The following CDKL5 variants were observed in gnomAD, a reference collection of about 807,000 sequenced individuals.
CDKL5 encodes the protein cyclin-dependent kinase-like 5.
A neutral mutation model predicts 61.7 loss-of-function variants in CDKL5; 8 were observed. That is an observed-to-expected ratio of 0.13 (90% CI 0.08 to 0.23). The LOEUF is 0.23. Ranked by LOEUF, CDKL5 falls within the 10% of genes least tolerant of loss-of-function variation. CDKL5 has a pLI of 1.00. For synonymous variants in CDKL5, 275 were observed against 272.3 expected (o/e 1.01, Z -0.10); for missense variants, 440 against 734.5 (o/e 0.60, Z 4.63).
At chrX:18,648,011 C>T (rs372217745) in intron 20 of CDKL5, among the ~76,000 whole-genome samples, 32 of 111,520 alleles carry the variant, frequency 2.9e-4, no homozygotes, top group Admixed American at 1.2e-3. Flanking sequence ...TTGTCTCCCC[C>T]TTCCTCTCGT....
At chrX:18,582,549 T>A (rs1925517099) in intron 7 of CDKL5, among the ~76,000 whole-genome samples, 3 of 111,501 alleles carry the variant, frequency 2.7e-5, no homozygotes, top group African/African-American at 6.5e-5. Context: ...TCAGAAAAAA[T>A]TTTAGATTGT....
intron 3 of CDKL5, among the ~76,000 whole-genome samples, chrX:18,560,666 A>G (rs1197666781): frequency 9.0e-6 from 1 of 111,343 alleles, no homozygotes; most frequent in African/African-American, 3.3e-5. Context: ...AGAAGTTGTA[A>G]GGTTTGTGGT....
chrX:18,565,289 T>C (rs1924931179), intron 4 of CDKL5, among the ~76,000 whole-genome samples: 1 of 111,933 alleles, frequency 8.9e-6, no homozygotes, highest in African/African-American at 3.2e-5. Context: ...TAGAAATATA[T>C]TTCATATCCT....
rs1926284804 is a variant in CDKL5 at position 18,604,441 on chromosome X, C to G, written c.1517C>G (p.Ala506Gly). 8.3e-7 allele frequency: 1 copy of G among 1,209,681 alleles called. No individual in the cohort carries two copies. Among genetic ancestry groups the G allele is most frequent in the East Asian group, 3.0e-5 (1 of 33,769 alleles). ...GTGAGCAACCTTTCTGAAGCCAGGG[C>G]CCAAATTGCGGAGCCCAGTACCAGT... The part of the protein sequence containing the change: ...KSVSNLSEAR[A>G]QIAEPSTSRY... Residue 506 changes from alanine to glycine, a missense_variant, in exon 12 of 18, where the codon GCC becomes GGC. By Grantham distance (60) the Ala-to-Gly change is moderately conservative. Transcript: ENST00000623535.
At chrX:18,499,283 T>C (rs775939700) in intron 1 of CDKL5, among the ~76,000 whole-genome samples, 11 of 111,134 alleles carry the variant, frequency 9.9e-5, no homozygotes, top group Non-Finnish European at 1.9e-4. Flanking sequence ...ATGCTCTCTA[T>C]CTAGCATTCT....
intron 4 of CDKL5, among the ~76,000 whole-genome samples, chrX:18,570,807 TTC>T (rs1925112239): frequency 8.9e-6 from 1 of 112,368 alleles, no homozygotes; most frequent in Non-Finnish European, 1.9e-5. Flanking sequence ...TTAAGAATTG[TTC>T]TCTTTAGCAA....
At chrX:18,601,928 C>T (rs1926192426) in intron 11 of CDKL5, among the ~76,000 whole-genome samples, 1 of 111,403 alleles carries the variant, frequency 9.0e-6, no homozygotes, top group Admixed American at 9.6e-5. Flanking sequence ...ATTTCTAGGC[C>T]TGAAGGGGAA....
rs183877156 is a variant in CDKL5, at chrX:18,522,831, A to C, written c.99+11977A>C. On this transcript the variant is annotated intron_variant, in intron 3 of 17. Coordinates refer to ENST00000623535, the MANE Select transcript of CDKL5 (RefSeq NM_001323289.2). Reference sequence around the variant, plus strand: ...TTTTTTTGGAGACAGAGGCTCTGTCACCCAGGCTGGCTGTAGTGCAGTAGT... The same window carrying C: ...TTTTTTTGGAGACAGAGGCTCTGTCCCCCAGGCTGGCTGTAGTGCAGTAGT... Among the ~76,000 whole-genome samples the C allele has an allele frequency of 6.5e-3, 601 of 91,932 alleles. 4 individuals carry two copies. The highest frequency in any genetic ancestry group is 0.039 in the Middle Eastern group (6 of 153). 79.8% of individuals were successfully genotyped at this position (91,932 alleles called of 115,157 possible). A position where few individuals can be genotyped will look rare whatever the true frequency, so the allele number is the denominator to read the frequency against.
rs1932144349 is a variant in CDKL5 at position 18,456,415 on chromosome X, GTTA to G, written c.-163+30726_-163+30728del. Among the ~76,000 whole-genome samples the G allele has an allele frequency of 2.7e-5, 3 of 111,885 alleles. No homozygotes were observed. In the South Asian group the frequency reaches 1.1e-3, roughly 41 times the overall value. ...TTGATGTGCTACTGAAAAATAAGCT[GTTA>G]TTATTTATAAACTCAGTTCAGAGAA... On this transcript the variant is annotated intron_variant, in intron 1 of 17. Transcript: ENST00000623535.
In CDKL5 at chrX:18,518,385, C is replaced by CTTTTTTTTTTTTTTT. The variant is rs1195931109; in HGVS notation, c.99+7533_99+7534insTTTTTTTTTTTTTTT. 8.8e-4 allele frequency among the ~76,000 whole-genome samples: 20 copies of CTTTTTTTTTTTTTTT among 22,786 alleles called. 3 individuals carry two copies. Among genetic ancestry groups the CTTTTTTTTTTTTTTT allele is most frequent in the African/African-American group, 3.0e-3 (20 of 6,582 alleles). 19.8% of individuals were successfully genotyped at this position (22,786 alleles called of 115,157 possible). A position where few individuals can be genotyped will look rare whatever the true frequency, so the allele number is the denominator to read the frequency against. The stretch of plus-strand genomic sequence containing the variant: ...ATAAAGTCATGTTTTCTTTTCTTTT[C>CTTTTTTTTTTTTTTT]TTATTTTTTTTTTTTTTTTTTTTTT... On this transcript the variant is annotated intron_variant, in intron 3 of 17. Coordinates refer to ENST00000623535, the MANE Select transcript of CDKL5 (RefSeq NM_001323289.2).
intron 3 of CDKL5, among the ~76,000 whole-genome samples, chrX:18,539,108 CTTCT>C (rs898978438): frequency 1.8e-5 from 2 of 111,314 alleles, no homozygotes; most frequent in South Asian, 3.7e-4. Context: ...TGATTTTTGT[CTTCT>C]TTCTTTTTAT....
At chrX:18,520,196 A>G (rs778918671) in intron 3 of CDKL5, among the ~76,000 whole-genome samples, 8 of 112,357 alleles carry the variant, frequency 7.1e-5, no homozygotes, top group African/African-American at 2.6e-4. Context: ...TTGAAGTTCC[A>G]AAACATTTTC....
At chrX:18,566,300 C>T (rs199955487) in intron 4 of CDKL5, among the ~76,000 whole-genome samples, 5 of 111,187 alleles carry the variant, frequency 4.5e-5, no homozygotes, top group Middle Eastern at 4.6e-3. Context: ...TACAGGTGTG[C>T]GCCACCATGC....
chrX:18,630,543 A>C lies in CDKL5; in HGVS notation c.*1786A>C. The C allele has an allele frequency of 1.3e-6, 1 of 751,064 alleles. No individual in the cohort carries two copies. Among genetic ancestry groups the C allele is most frequent in the Non-Finnish European group, 1.6e-6 (1 of 636,782 alleles). 61.9% of individuals were successfully genotyped at this position (751,064 alleles called of 1,213,427 possible). A position where few individuals can be genotyped will look rare whatever the true frequency, so the allele number is the denominator to read the frequency against. On this transcript the variant is annotated 3_prime_UTR_variant, in exon 18 of 18. Coordinates refer to ENST00000623535, the MANE Select transcript of CDKL5 (RefSeq NM_001323289.2). ...CCTCCCCCGAGATTTTGAGAATCATAGCTCTGATGATTATGAAGATTATAA... is the reference window on the plus strand; with the variant it reads ...CCTCCCCCGAGATTTTGAGAATCATCGCTCTGATGATTATGAAGATTATAA...
chrX:18,650,001 G>A (rs1927961958), intron 20 of CDKL5: 1 of 235,316 alleles, frequency 4.2e-6, no homozygotes, highest in South Asian at 5.4e-5. Flanking sequence ...CCCGCTCAGG[G>A]CTACTAGCTC....
chrX:18,552,750 G>T (rs1284889831), intron 3 of CDKL5, among the ~76,000 whole-genome samples: 1 of 111,291 alleles, frequency 9.0e-6, no homozygotes, highest in Non-Finnish European at 1.9e-5. Context: ...AGAGGGTTGA[G>T]TGGGCAAGGG....
chrX:18,496,877 G>A (rs974604164), intron 1 of CDKL5, among the ~76,000 whole-genome samples: 2 of 110,935 alleles, frequency 1.8e-5, no homozygotes, highest in African/African-American at 6.6e-5. Context: ...CAAAAAGAGG[G>A]AGTATAACGA....
rs1922598418 is a variant in CDKL5 at position 18,506,924 on chromosome X, G to GT, written c.-162-4dup. 3 of 437,450 alleles carry GT rather than the reference G, an allele frequency of 6.9e-6. No homozygotes were observed. The highest frequency in any genetic ancestry group is 4.0e-5 in the Admixed American group (1 of 25,268). The allele number at this position is 437,450 out of a possible 1,213,427, so 36.1% of individuals were successfully genotyped here. On this transcript the variant is annotated splice_polypyrimidine_tract_variant and intron_variant, in intron 1 of 17. Coordinates refer to ENST00000623535, the MANE Select transcript of CDKL5 (RefSeq NM_001323289.2). ...AAACTTACAGCTTTTAATTGTGTTT[G>GT]TTTTTTTCAGGGAGTCATTTAATAC...
At chrX:18,618,697 G>A (rs1427920345) in intron 15 of CDKL5, among the ~76,000 whole-genome samples, 1 of 112,171 alleles carries the variant, frequency 8.9e-6, no homozygotes, top group East Asian at 2.8e-4. Context: ...GGCTGGCCGC[G>A]GTGGCTCACA....
Sources: gnomAD v4.1 joint callset for allele counts (sites outside exome capture counted in the v4.1 genomes callset) on GRCh38, gnomAD v4.1.1 for gene constraint, MANE v1.5 for transcripts, NCBI Gene and HGNC (gene_info 2026-07-23, HGNC 2026-07-21) for gene names.